CFAP299: variants seen among roughly 807,000 people sequenced by gnomAD.
CFAP299 encodes the protein cilia and flagella associated protein 299.
Under a neutral mutation model 27.0 loss-of-function variants are expected in CFAP299, and 21 were observed. The ratio of observed to expected loss-of-function variants is 0.78; its 90% CI spans 0.55 to 1.12. The LOEUF (loss-of-function observed/expected upper bound fraction) is 1.12. Ranked by LOEUF, CFAP299 falls within the 50% of genes most tolerant of loss-of-function variation. CFAP299 has a pLI of 0.00. For synonymous variants in CFAP299, 104 were observed against 98.1 expected (o/e 1.06, Z -0.36); for missense variants, 310 against 276.6 (o/e 1.12, Z -0.86).
chr4:80,782,634 TA>T (rs1291958896), intron 3 of CFAP299, among the ~76,000 whole-genome samples: 44 of 108,324 alleles, frequency 4.1e-4, no homozygotes, highest in African/African-American at 1.3e-3. Flanking sequence ...TATTCATATA[TA>T]ATATACATAT....
intron 2 of CFAP299, among the ~76,000 whole-genome samples, chr4:80,459,816 G>A (rs6855184): frequency 0.093 from 14,220 of 152,166 alleles, 1,675 homozygotes; most frequent in African/African-American, 0.27. Context: ...AAAGAGCAGG[G>A]TGGTTGTGAT....
At chr4:80,543,712 T>C (rs1400422359) in intron 2 of CFAP299, among the ~76,000 whole-genome samples, 1 of 152,258 alleles carries the variant, frequency 6.6e-6, no homozygotes, top group Non-Finnish European at 1.5e-5. Flanking sequence ...AAGAATCTTA[T>C]CGTTCTGCAT....
At chr4:80,793,579 G>C (rs1353616694) in intron 3 of CFAP299, among the ~76,000 whole-genome samples, 1 of 151,972 alleles carries the variant, frequency 6.6e-6, no homozygotes, top group African/African-American at 2.4e-5. Context: ...TTCAAATAAA[G>C]ACAATAATAA....
intron 4 of CFAP299, among the ~76,000 whole-genome samples, chr4:80,882,416 A>T (rs1578209469): frequency 1.3e-5 from 2 of 152,188 alleles, no homozygotes. Context: ...AGGCGGGCGG[A>T]TTACGAGGTC....
At chr4:80,836,111 CAAT>C (rs1730547168) in intron 3 of CFAP299, among the ~76,000 whole-genome samples, 1 of 152,100 alleles carries the variant, frequency 6.6e-6, no homozygotes, top group African/African-American at 2.4e-5. Flanking sequence ...TTAACTATTG[CAAT>C]TATTAAATTG....
At chr4:80,911,792 T>TA (rs1008519345) in intron 4 of CFAP299, among the ~76,000 whole-genome samples, 46 of 152,138 alleles carry the variant, frequency 3.0e-4, no homozygotes, top group African/African-American at 1.0e-3. Context: ...AAATAATTTA[T>TA]AAAAAAAGGA....
intron 2 of CFAP299, among the ~76,000 whole-genome samples, chr4:80,581,883 C>T (rs1227514529): frequency 6.6e-6 from 1 of 151,848 alleles, no homozygotes; most frequent in Non-Finnish European, 1.5e-5. Flanking sequence ...TCAACGCTTT[C>T]TGGTAGCATG....
At chr4:80,539,778 A>G (rs1458180266) in intron 2 of CFAP299, among the ~76,000 whole-genome samples, 1 of 152,060 alleles carries the variant, frequency 6.6e-6, no homozygotes, top group Non-Finnish European at 1.5e-5. Context: ...CATTTTGAAC[A>G]CCTCCCCAAA....
intron 2 of CFAP299, chr4:80,386,768 T>A: frequency 7.4e-7 from 1 of 1,353,310 alleles, no homozygotes; most frequent in Non-Finnish European, 1.1e-6. Context: ...GTCCGGCCGG[T>A]TGAACAACTT....
chr4:80,501,367 A>G (rs1278231908), intron 2 of CFAP299, among the ~76,000 whole-genome samples: 3 of 149,886 alleles, frequency 2.0e-5, no homozygotes, highest in Non-Finnish European at 4.4e-5. Flanking sequence ...GCTGAAATTT[A>G]TATAAATACA....
intron 3 of CFAP299, among the ~76,000 whole-genome samples, chr4:80,824,641 T>A (rs927546843): frequency 6.6e-6 from 1 of 152,114 alleles, no homozygotes; most frequent in African/African-American, 2.4e-5. Flanking sequence ...AGAAAGTCAC[T>A]GCACATGGTC....
chr4:80,750,992 C>T (rs1560732912), intron 3 of CFAP299, among the ~76,000 whole-genome samples: 1 of 152,172 alleles, frequency 6.6e-6, no homozygotes, highest in Non-Finnish European at 1.5e-5. Flanking sequence ...TTCGTTATTA[C>T]CCACCTTCTG....
chr4:80,910,419 A>T (rs927433624), intron 4 of CFAP299, among the ~76,000 whole-genome samples: 2 of 152,162 alleles, frequency 1.3e-5, no homozygotes, highest in Non-Finnish European at 2.9e-5. Context: ...CATGGAATTA[A>T]CCTAAATGTC....
chr4:80,419,819 A>T (rs1727204268), intron 2 of CFAP299, among the ~76,000 whole-genome samples: 1 of 152,192 alleles, frequency 6.6e-6, no homozygotes, highest in South Asian at 2.1e-4. Context: ...CACTCCTAGC[A>T]ACACTGTATA....
chr4:80,353,964 C>T (rs745968747), intron 1 of CFAP299, among the ~76,000 whole-genome samples: 87 of 152,266 alleles, frequency 5.7e-4, no homozygotes, highest in Non-Finnish European at 1.1e-3. Context: ...ATGCTTTGAA[C>T]GTTTTGGAGT....
At chr4:80,379,404 C>T (rs1724583747) in intron 2 of CFAP299, among the ~76,000 whole-genome samples, 1 of 151,680 alleles carries the variant, frequency 6.6e-6, no homozygotes, top group Non-Finnish European at 1.5e-5. Context: ...TTATTGATTT[C>T]TGCTCTTATT....
chr4:80,847,657 G>A (rs1731259443), intron 3 of CFAP299, among the ~76,000 whole-genome samples: 1 of 152,166 alleles, frequency 6.6e-6, no homozygotes, highest in East Asian at 1.9e-4. Context: ...TTTCTCATCT[G>A]TGAAACAGAA....
intron 5 of CFAP299, among the ~76,000 whole-genome samples, chr4:80,948,366 T>TG (rs1737581622): frequency 1.3e-5 from 2 of 152,278 alleles, no homozygotes; most frequent in African/African-American, 4.8e-5. Flanking sequence ...TTAACTTCCC[T>TG]GCAGCTGTAT....
intron 4 of CFAP299, among the ~76,000 whole-genome samples, chr4:80,941,722 A>G (rs570199798): frequency 6.6e-6 from 1 of 152,330 alleles, no homozygotes; most frequent in South Asian, 2.1e-4. Flanking sequence ...CAAACTGTAC[A>G]GGAAGCATGG....
Sources: allele counts gnomAD v4.1 joint callset (sites outside exome capture counted in the v4.1 genomes callset), GRCh38; gene constraint gnomAD v4.1.1; transcripts MANE v1.5; gene names NCBI Gene and HGNC (gene_info 2026-07-23, HGNC 2026-07-21).